Variants in EMID1 observed in about 807,000 individuals in gnomAD.
EMID1 encodes the protein EMI domain containing 1, also known as EMI domain-containing protein 1.
EMID1 carries 40 observed loss-of-function variants against 60.6 expected under a neutral mutation model. The ratio of observed to expected loss-of-function variants is 0.66; its 90% CI spans 0.51 to 0.86. EMID1 has a LOEUF of 0.86. Ranked by LOEUF, EMID1 falls within the 40% of genes least tolerant of loss-of-function variation. The pLI, the probability that EMID1 is intolerant of heterozygous loss-of-function variation, is 0.00. For synonymous variants in EMID1, 242 were observed against 231.0 expected (o/e 1.05, Z -0.43); for missense variants, 585 against 597.1 (o/e 0.98, Z 0.21).
chr22:29,215,175 C>T (rs574206330), intron 2 of EMID1, 136 bp downstream of exon 2: 28 of 1,419,334 alleles, frequency 2.0e-5, no homozygotes, highest in South Asian at 7.9e-5. Flanking sequence ...TAGCATCAGC[C>T]GACACCATTC....
intron 5 of EMID1, among the ~76,000 whole-genome samples, chr22:29,226,939 G>A (rs1203046971): frequency 3.3e-5 from 5 of 152,180 alleles, no homozygotes; most frequent in Non-Finnish European, 7.4e-5. Flanking sequence ...CATAGACACT[G>A]CCCAGAGATC....
chr22:29,247,970 A>G lies in EMID1; in HGVS notation c.1119+4481A>G, dbSNP rs554801342. On this transcript the variant is annotated intron_variant, in intron 13 of 14. Transcript: ENST00000334018. ...TTACTTTTTTTTTTTTTTGAGACAG[A>G]GTCTTGCTATGTCTCAAGAAAAGTA... Among the ~76,000 whole-genome samples the G allele has an allele frequency of 1.5e-3, 218 of 145,758 alleles. 1 individual carries two copies. Among genetic ancestry groups the G allele is most frequent in the African/African-American group, 5.1e-3 (199 of 39,018 alleles).
chr22:29,247,294 A>G (rs1184219374), intron 13 of EMID1, among the ~76,000 whole-genome samples: 1 of 152,178 alleles, frequency 6.6e-6, no homozygotes, highest in Non-Finnish European at 1.5e-5. Flanking sequence ...ATATACAGAA[A>G]AGTTGGTACA....
intron 3 of EMID1, among the ~76,000 whole-genome samples, chr22:29,220,271 T>A (rs1272036165): frequency 6.6e-6 from 1 of 152,010 alleles, no homozygotes. Flanking sequence ...TACTCCCACA[T>A]CCCCAGTGCC....
intron 12 of EMID1, among the ~76,000 whole-genome samples, chr22:29,237,286 A>G (rs1212856140): frequency 7.1e-6 from 1 of 141,774 alleles, no homozygotes; most frequent in Non-Finnish European, 1.5e-5. Flanking sequence ...GGTTCAAGCA[A>G]TTCTCTGCCT....
intron 14 of EMID1, among the ~76,000 whole-genome samples, chr22:29,258,298 T>C (rs975861676): frequency 6.6e-6 from 1 of 152,194 alleles, no homozygotes; most frequent in African/African-American, 2.4e-5. Context: ...TCCGGAACTG[T>C]CCCTGTTTCA....
chr22:29,225,450 C>G (rs546495861), intron 4 of EMID1, among the ~76,000 whole-genome samples: 12 of 152,364 alleles, frequency 7.9e-5, no homozygotes, highest in Admixed American at 7.2e-4. Flanking sequence ...CCCATGACCC[C>G]TGGACTCTTG....
intron 13 of EMID1, among the ~76,000 whole-genome samples, chr22:29,248,090 C>G (rs755458336): frequency 1.3e-5 from 2 of 150,612 alleles, no homozygotes; most frequent in Non-Finnish European, 3.0e-5. Flanking sequence ...GTAGCTGGGA[C>G]TACAGGTGAA....
In EMID1 at chr22:29,228,632, G is replaced by A. The variant is rs115542621; in HGVS notation, c.465+2081G>A. On this transcript the variant is annotated intron_variant, in intron 5 of 14. Coordinates refer to ENST00000334018, the MANE Select transcript of EMID1 (RefSeq NM_133455.4). The stretch of plus-strand genomic sequence containing the variant: ...GGGTCTTGCTCTGTCACCCAGGCTG[G>A]AGTGCAGGCATTGCAATCTGCCGTG... Among the ~76,000 whole-genome samples the A allele has an allele frequency of 2.5e-3, 374 of 152,320 alleles. 2 individuals carry two copies. Among genetic ancestry groups the A allele is most frequent in the African/African-American group, 8.2e-3 (341 of 41,552 alleles).
At chr22:29,233,003 A>G in intron 8 of EMID1, 1 of 267,536 alleles carries the variant, frequency 3.7e-6, no homozygotes, top group Non-Finnish European at 7.2e-6. Context: ...CGATGGGGAC[A>G]ATGACAGTGC....
Position 29,233,479 on chromosome 22 carries a change from T to G in EMID1, c.913+11T>G. On this transcript the variant is annotated intron_variant, in intron 9 of 14. Transcript: ENST00000334018. ...CTCCAGGGCCCATGGGTAAGTTGAG[T>G]CCAGGCCAGGGGTAAAGGGTGAAGT... 1 of 1,613,594 alleles carries G rather than the reference T, an allele frequency of 6.2e-7. No individual in the cohort carries two copies. The highest frequency in any genetic ancestry group is 8.5e-7 in the Non-Finnish European group (1 of 1,179,520).
chr22:29,243,364 T>G, intron 12 of EMID1, 81 bp from the exon 13 acceptor site: 1 of 1,418,962 alleles, frequency 7.0e-7, no homozygotes, highest in Non-Finnish European at 9.8e-7. Context: ...CTTTCCCCGC[T>G]CTTTTTCCTC....
At chr22:29,219,256 A>G (rs1344153017) in intron 3 of EMID1, among the ~76,000 whole-genome samples, 2 of 152,136 alleles carry the variant, frequency 1.3e-5, no homozygotes. Context: ...TGAGGCTGGC[A>G]GAAGCCAGTC....
At chr22:29,227,789 G>C (rs2040578712) in intron 5 of EMID1, among the ~76,000 whole-genome samples, 1 of 151,974 alleles carries the variant, frequency 6.6e-6, no homozygotes, top group African/African-American at 2.4e-5. Context: ...GCCGAGCCGG[G>C]TGGATCACAA....
intron 5 of EMID1, among the ~76,000 whole-genome samples, chr22:29,227,101 T>A (rs1371837525): frequency 6.6e-6 from 1 of 152,188 alleles, no homozygotes; most frequent in Non-Finnish European, 1.5e-5. Context: ...TTTTGTTTTG[T>A]TTTGTTTGAA....
chr22:29,208,690 C>T (rs1342379358), intron 1 of EMID1, among the ~76,000 whole-genome samples: 1 of 152,144 alleles, frequency 6.6e-6, no homozygotes, highest in African/African-American at 2.4e-5. Flanking sequence ...AGCCTGTTTC[C>T]CCCTCTGTAA....
rs1168176536 is a variant in EMID1, at chr22:29,252,791, G to C, written c.1120-1412G>C. On this transcript the variant is annotated intron_variant, in intron 13 of 14. Coordinates refer to ENST00000334018, the MANE Select transcript of EMID1 (RefSeq NM_133455.4). Reference sequence around the variant, plus strand: ...GAGAAGCAGACCCGTACTGCTAAGAGGAGAGGGCTGGGCTGAGGGTGACGC... The same window carrying C: ...GAGAAGCAGACCCGTACTGCTAAGACGAGAGGGCTGGGCTGAGGGTGACGC... Among the ~76,000 whole-genome samples, 3 of 152,162 alleles carry C rather than the reference G, an allele frequency of 2.0e-5. No individual in the cohort carries two copies. The East Asian group carries it at 5.8e-4, about 29-fold the overall frequency.
intron 13 of EMID1, among the ~76,000 whole-genome samples, chr22:29,250,565 T>TC (rs1350548049): frequency 2.0e-5 from 3 of 150,740 alleles, no homozygotes; most frequent in Non-Finnish European, 4.4e-5. Flanking sequence ...TTTTATCTTT[T>TC]TTTTTTCTTT....
intron 1 of EMID1, among the ~76,000 whole-genome samples, chr22:29,214,328 A>G (rs2040001877): frequency 6.6e-6 from 1 of 152,164 alleles, no homozygotes; most frequent in Non-Finnish European, 1.5e-5. Context: ...TGGAGGGAAT[A>G]GGCCATGTCA....
Sources: allele counts gnomAD v4.1 joint callset (sites outside exome capture counted in the v4.1 genomes callset), GRCh38; gene constraint gnomAD v4.1.1; transcripts MANE v1.5; gene names NCBI Gene and HGNC (gene_info 2026-07-23, HGNC 2026-07-21).